Variants in ZNF41 observed in about 807,000 individuals in gnomAD.
The protein encoded by ZNF41 is zinc finger protein 41.
ZNF41 carries 6 observed loss-of-function variants against 9.3 expected under a neutral mutation model. That is an observed-to-expected ratio of 0.65 (90% confidence interval 0.35 to 1.28). ZNF41 has a LOEUF of 1.28. Among genes scored for constraint, ZNF41 ranks in the 50% most tolerant of loss-of-function variants. ZNF41 has a pLI of 0.03. For synonymous variants in ZNF41, 192 were observed against 207.1 expected, an observed-to-expected ratio of 0.93 and a Z score of 0.63; for missense variants, 523 against 585.8, an observed-to-expected ratio of 0.89 and a Z score of 1.11.
chrX:47,462,660 T>G (rs147686263), intron 2 of ZNF41, among the ~76,000 whole-genome samples: 1,662 of 110,909 alleles, frequency 0.015, 14 homozygotes, highest in Non-Finnish European at 0.022. Flanking sequence ...TGACTGCTGT[T>G]GGATTCTGCT....
intron 2 of ZNF41, among the ~76,000 whole-genome samples, chrX:47,459,742 T>TAAAAAAAAAAAAAAAA (rs768291943): frequency 1.9e-4 from 3 of 16,138 alleles, no homozygotes; most frequent in Admixed American, 8.3e-4. Context: ...AGACCCTATC[T>TAAAAAAAAAAAAAAAA]AAAAAAAAAA....
chrX:47,470,917 G>A (rs1013646350), intron 1 of ZNF41, among the ~76,000 whole-genome samples: 2 of 111,124 alleles, frequency 1.8e-5, no homozygotes, highest in Non-Finnish European at 3.8e-5. Flanking sequence ...ACAAAATGAT[G>A]AAGATGTGAA....
chrX:47,450,279 C>T (rs758611280), intron 4 of ZNF41, among the ~76,000 whole-genome samples: 100 of 110,736 alleles, frequency 9.0e-4, no homozygotes, highest in African/African-American at 3.1e-3. Flanking sequence ...GGTGCGATCT[C>T]GGCTCACTGC....
chrX:47,456,238 C>G (rs1269515171), intron 3 of ZNF41, 34 bp downstream of exon 3: 2 of 1,208,243 alleles, frequency 1.7e-6, no homozygotes, highest in South Asian at 1.8e-5. Context: ...TGGAAATACC[C>G]TCATTAGCAG....
Position 47,448,251 on chromosome X carries a change from T to C in ZNF41, c.1519A>G (p.Arg507Gly). The C allele has an allele frequency of 8.3e-7, 1 of 1,211,811 alleles. No homozygotes were observed. The highest frequency in any genetic ancestry group is 2.3e-4 in the Middle Eastern group (1 of 4,355). ...CTECGKVFTH[R>G]TNLTTHQKTH... Reference sequence around the variant, plus strand: ...TTCTGATGTGTGGTGAGGTTTGTCCTGTGAGTGAAGACCTTTCCACATTCT... The same window carrying C: ...TTCTGATGTGTGGTGAGGTTTGTCCCGTGAGTGAAGACCTTTCCACATTCT... The change falls in exon 5 of 5, where the codon AGG (arginine) becomes GGG (glycine). Residue 507 changes from arginine to glycine, a missense_variant. Coordinates refer to ENST00000684689, the MANE Select transcript of ZNF41 (RefSeq NM_001324144.2).
At position 47,447,364 on chromosome X, in the gene ZNF41, C is replaced by T; in HGVS notation, c.*66G>A. On this transcript the variant is annotated 3_prime_UTR_variant, in exon 5 of 5. Transcript: ENST00000684689. ...CCTGTACAATGATTGCAGCAACAGG[C>T]CTTCCTCCTCCCTGCTATTAGATAC... The T allele has an allele frequency of 8.5e-7, 1 of 1,171,767 alleles. No homozygotes were observed. The highest frequency in any genetic ancestry group is 2.2e-5 in the Admixed American group (1 of 45,874).
At chrX:47,455,816 C>G in intron 4 of ZNF41, 105 bp downstream of exon 4, 1 of 789,056 alleles carries the variant, frequency 1.3e-6, no homozygotes, top group Non-Finnish European at 1.9e-6. Context: ...AAGTTTAGAA[C>G]TTTCAAGATG....
Position 47,447,743 on chromosome X carries a change from G to C in ZNF41, c.2027C>G (p.Ser676Ter). 1 of 1,211,575 alleles carries C rather than the reference G, an allele frequency of 8.3e-7. No homozygotes were observed. Among genetic ancestry groups the C allele is most frequent in the Non-Finnish European group, 1.1e-6 (1 of 895,464 alleles). The change falls in exon 5 of 5, where the codon TCA becomes TGA. Residue 676 changes from serine to a stop codon, truncating the protein, a stop_gained. Transcript: ENST00000684689. LOFTEE classifies it low-confidence loss of function (END_TRUNC). ...AECGKAFTDR[S>*]NLITHQKIHT... ...GATTTTCTGATGTGTTATGAGATTT[G>C]ATCGGTCAGTGAAGGCCTTTCCACA...
At chrX:47,456,078 G>A (rs1289623932) in intron 3 of ZNF41, 62 bp from the exon 4 acceptor site, 2 of 1,104,505 alleles carry the variant, frequency 1.8e-6, no homozygotes, top group Non-Finnish European at 2.5e-6. Flanking sequence ...GCCTTTCAGT[G>A]ACACTTTCCC....
At chrX:47,480,510 C>G (rs1049840965) in intron 1 of ZNF41, among the ~76,000 whole-genome samples, 1 of 109,806 alleles carries the variant, frequency 9.1e-6, no homozygotes, top group Non-Finnish European at 1.9e-5. Flanking sequence ...GAGGAAGTCA[C>G]TAGGCAAGAC....
At chrX:47,463,243 C>T (rs751050946) in intron 2 of ZNF41, among the ~76,000 whole-genome samples, 142 of 111,264 alleles carry the variant, frequency 1.3e-3, no homozygotes, top group Non-Finnish European at 1.9e-3. Flanking sequence ...TGCACTATTG[C>T]GTGTTCTATG....
intron 1 of ZNF41, among the ~76,000 whole-genome samples, chrX:47,471,007 C>T (rs1280626207): frequency 9.0e-6 from 1 of 111,342 alleles, no homozygotes; most frequent in Non-Finnish European, 1.9e-5. Flanking sequence ...CCTTCACCTA[C>T]CTCAGGGTCA....
intron 2 of ZNF41, among the ~76,000 whole-genome samples, chrX:47,457,579 C>T (rs377551154): frequency 1.8e-5 from 2 of 111,804 alleles, no homozygotes; most frequent in Non-Finnish European, 3.8e-5. Flanking sequence ...TGGCTCATGC[C>T]TGTAATCCCA....
chrX:47,470,868 C>T (rs1569298183), intron 1 of ZNF41, among the ~76,000 whole-genome samples: 6 of 111,076 alleles, frequency 5.4e-5, no homozygotes, highest in Admixed American at 1.9e-4. Flanking sequence ...GATTATGGGA[C>T]TGGGCTAAAA....
At chrX:47,479,464 A>G (rs2057417122) in intron 1 of ZNF41, among the ~76,000 whole-genome samples, 1 of 112,339 alleles carries the variant, frequency 8.9e-6, no homozygotes, top group African/African-American at 3.2e-5. Context: ...GTGCAACAGA[A>G]GATGAGGTGA....
chrX:47,466,816 G>A, intron 2 of ZNF41, among the ~76,000 whole-genome samples: 1 of 111,683 alleles, frequency 9.0e-6, no homozygotes, highest in Non-Finnish European at 1.9e-5. Context: ...CACCGTGCCC[G>A]GCCATTTTAT....
At chrX:47,457,556 T>C (rs906903030) in intron 2 of ZNF41, among the ~76,000 whole-genome samples, 1 of 110,981 alleles carries the variant, frequency 9.0e-6, no homozygotes, top group Admixed American at 9.7e-5. Context: ...AAGAAGGTGT[T>C]GGCTGGGCGC....
Position 47,448,069 on chromosome X carries a change from T to A in ZNF41, c.1701A>T (p.Lys567Asn). 2.5e-6 allele frequency: 3 copies of A among 1,210,827 alleles called. No individual in the cohort carries two copies. Among genetic ancestry groups the A allele is most frequent in the Non-Finnish European group, 3.4e-6 (3 of 895,265 alleles). The change falls in exon 5 of 5, where the codon AAA becomes AAT. Residue 567 changes from lysine (K) to asparagine (N), a missense_variant. Coordinates refer to ENST00000684689, the MANE Select transcript of ZNF41 (RefSeq NM_001324144.2). ...CTCCAATATGAGATTTCTGATGTAT[T>A]TTGAGGCGCGACTTCCATATGAAGG... ...GKAFIWKSRL[K>N]IHQKSHIGER...
At position 47,475,513 on chromosome X, in the gene ZNF41, C is replaced by T. The variant is rs574837891; in HGVS notation, c.-280+7582G>A. Among the ~76,000 whole-genome samples the T allele has an allele frequency of 4.1e-4, 46 of 111,622 alleles. 1 individual carries two copies. The highest frequency in any genetic ancestry group is 1.5e-3 in the African/African-American group (46 of 30,876). On this transcript the variant is annotated intron_variant, in intron 1 of 4. Coordinates refer to ENST00000684689, the MANE Select transcript of ZNF41 (RefSeq NM_001324144.2). ...ATTTCCTTTTAATAACTGGCATAAC[C>T]TTAATACCAACACTTGTTAAATATA...
Sources: gnomAD v4.1 joint callset for allele counts (sites outside exome capture counted in the v4.1 genomes callset) on GRCh38, gnomAD v4.1.1 for gene constraint, MANE v1.5 for transcripts, NCBI Gene and HGNC (gene_info 2026-07-23, HGNC 2026-07-21) for gene names.